FSTL5: variants seen among roughly 807,000 people sequenced by gnomAD.
The protein encoded by FSTL5 is follistatin like 5, also known as follistatin-related protein 5.
FSTL5 carries 62 observed loss-of-function variants against 89.1 expected under a neutral mutation model. The observed-to-expected ratio is 0.70, with a 90% CI of 0.57 to 0.86. The LOEUF is 0.86. Ranked by LOEUF, FSTL5 falls within the 40% of genes least tolerant of loss-of-function variation. FSTL5 has a pLI of 0.00. For synonymous variants in FSTL5, 383 were observed against 346.2 expected (o/e 1.11, Z -1.18); for missense variants, 1,057 against 1,001.6 (o/e 1.06, Z -0.75).
chr4:161,659,816 T>C (rs1736644923), intron 6 of FSTL5, among the ~76,000 whole-genome samples: 1 of 152,214 alleles, frequency 6.6e-6, no homozygotes, highest in African/African-American at 2.4e-5. Flanking sequence ...CATGTTTTCT[T>C]GGATATACAT....
At chr4:161,909,723 G>A (rs1733637763) in intron 4 of FSTL5, among the ~76,000 whole-genome samples, 1 of 151,994 alleles carries the variant, frequency 6.6e-6, no homozygotes, top group Admixed American at 6.6e-5. Context: ...GTTTAATGAA[G>A]GAAGAAGCCA....
chr4:161,848,417 T>C (rs573106259), intron 4 of FSTL5, among the ~76,000 whole-genome samples: 23 of 152,290 alleles, frequency 1.5e-4, no homozygotes, highest in African/African-American at 4.8e-4. Context: ...CCTAAATTCC[T>C]TTTTTGTCAT....
chr4:161,648,274 ACACATGG>A (rs1425924780), intron 7 of FSTL5, among the ~76,000 whole-genome samples: 1 of 152,136 alleles, frequency 6.6e-6, no homozygotes. Context: ...GCACCCTGTA[ACACATGG>A]CTACGGGGGA....
intron 7 of FSTL5, among the ~76,000 whole-genome samples, chr4:161,626,552 T>C (rs1399112338): frequency 6.6e-6 from 1 of 152,190 alleles, no homozygotes; most frequent in Non-Finnish European, 1.5e-5. Context: ...GGAGCTCTGA[T>C]GGAGATGTGC....
chr4:162,007,337 C>T (rs1191288440), intron 3 of FSTL5, among the ~76,000 whole-genome samples: 3 of 151,592 alleles, frequency 2.0e-5, no homozygotes, highest in African/African-American at 7.3e-5. Flanking sequence ...AATTAACATT[C>T]TATGTTGAGT....
At chr4:161,647,680 T>A (rs989640451) in intron 7 of FSTL5, among the ~76,000 whole-genome samples, 1 of 151,978 alleles carries the variant, frequency 6.6e-6, no homozygotes, top group South Asian at 2.1e-4. Flanking sequence ...ACAGGAGTGA[T>A]GGGAAGGGAA....
At chr4:161,761,831 T>C (rs72689200) in intron 5 of FSTL5, among the ~76,000 whole-genome samples, 5,934 of 152,334 alleles carry the variant, frequency 0.039, 162 homozygotes, top group Non-Finnish European at 0.061. Context: ...ACAAAGTAGA[T>C]TCATTTTCTT....
At chr4:161,471,345 G>T (rs1023102896) in intron 13 of FSTL5, among the ~76,000 whole-genome samples, 6 of 152,160 alleles carry the variant, frequency 3.9e-5, no homozygotes, top group Admixed American at 3.9e-4. Flanking sequence ...TGTTAAGTCT[G>T]TTTATTACAA....
At chr4:161,789,222 T>G (rs1729370265) in intron 4 of FSTL5, among the ~76,000 whole-genome samples, 1 of 152,140 alleles carries the variant, frequency 6.6e-6, no homozygotes, top group South Asian at 2.1e-4. Flanking sequence ...TGGTAACTTA[T>G]GATTGTCATT....
chr4:161,800,623 T>G (rs1729761338), intron 4 of FSTL5, among the ~76,000 whole-genome samples: 1 of 151,636 alleles, frequency 6.6e-6, no homozygotes, highest in Admixed American at 6.6e-5. Context: ...TTAGATTTTG[T>G]TAGGTTGCAG....
At chr4:162,054,627 C>T (rs1738479727) in intron 2 of FSTL5, among the ~76,000 whole-genome samples, 1 of 151,826 alleles carries the variant, frequency 6.6e-6, no homozygotes, top group Non-Finnish European at 1.5e-5. Context: ...ACAGATTTCC[C>T]ATCACTCTCT....
At chr4:161,416,128 A>T (rs1731772530) in intron 15 of FSTL5, among the ~76,000 whole-genome samples, 1 of 152,170 alleles carries the variant, frequency 6.6e-6, no homozygotes, top group Non-Finnish European at 1.5e-5. Context: ...CTACTGCAAC[A>T]CATAATTTTG....
intron 7 of FSTL5, among the ~76,000 whole-genome samples, chr4:161,607,331 T>C (rs1204475995): frequency 1.3e-5 from 2 of 152,206 alleles, no homozygotes; most frequent in Non-Finnish European, 2.9e-5. Context: ...TAGATGACAC[T>C]GCTGTTGTTG....
intron 6 of FSTL5, among the ~76,000 whole-genome samples, chr4:161,704,342 A>C (rs1308725513): frequency 6.6e-6 from 1 of 152,128 alleles, no homozygotes; most frequent in Non-Finnish European, 1.5e-5. Flanking sequence ...GTGTAAAAGC[A>C]AACTGTGCTC....
At chr4:161,974,895 C>T (rs1423066183) in intron 3 of FSTL5, among the ~76,000 whole-genome samples, 7 of 151,830 alleles carry the variant, frequency 4.6e-5, no homozygotes, top group Non-Finnish European at 7.4e-5. Flanking sequence ...TGAAATCAAA[C>T]AAATTTACAA....
chr4:161,405,740 C>T (rs75979979), intron 15 of FSTL5, among the ~76,000 whole-genome samples: 8,234 of 151,622 alleles, frequency 0.054, 302 homozygotes, highest in Admixed American at 0.086. Context: ...CACATGATAA[C>T]ATTTTATAAC....
At chr4:162,137,307 G>C (rs1341655818) in intron 1 of FSTL5, among the ~76,000 whole-genome samples, 1 of 152,006 alleles carries the variant, frequency 6.6e-6, no homozygotes, top group African/African-American at 2.4e-5. Flanking sequence ...TCTTAGCAAA[G>C]TTCACATATT....
intron 6 of FSTL5, among the ~76,000 whole-genome samples, chr4:161,668,364 A>G (rs1376135250): frequency 6.6e-6 from 1 of 152,164 alleles, no homozygotes; most frequent in Non-Finnish European, 1.5e-5. Flanking sequence ...GAAAGAAATC[A>G]CATTACTTAT....
At chr4:161,890,563 C>T (rs955604508) in intron 4 of FSTL5, among the ~76,000 whole-genome samples, 1 of 151,592 alleles carries the variant, frequency 6.6e-6, no homozygotes, top group Non-Finnish European at 1.5e-5. Flanking sequence ...TGGTGTGTGC[C>T]TATAACCCCA....
Sources: gnomAD v4.1 joint callset for allele counts (sites outside exome capture counted in the v4.1 genomes callset) on GRCh38, gnomAD v4.1.1 for gene constraint, MANE v1.5 for transcripts, NCBI Gene and HGNC (gene_info 2026-07-23, HGNC 2026-07-21) for gene names.